Variants in SMAP2 observed in about 807,000 individuals in gnomAD.
SMAP2 encodes small ArfGAP2.
In SMAP2, 25 loss-of-function variants were observed where a neutral mutation model predicts 56.4. That is an observed-to-expected ratio of 0.44 (90% confidence interval 0.32 to 0.62). The LOEUF is 0.62. Ranked by LOEUF, SMAP2 falls within the 20% of genes least tolerant of loss-of-function variation. The pLI is 0.04. For synonymous variants in SMAP2, 157 were observed against 181.7 expected, an observed-to-expected ratio of 0.86 and a Z score of 1.09; for missense variants, 388 against 545.6, an observed-to-expected ratio of 0.71 and a Z score of 2.88.
At chr1:40,388,089 C>T (rs544227983) in intron 1 of SMAP2, among the ~76,000 whole-genome samples, 46 of 152,322 alleles carry the variant, frequency 3.0e-4, no homozygotes, top group African/African-American at 9.1e-4. Flanking sequence ...TGCCTTCCCA[C>T]GGGGCAGGGC....
At chr1:40,356,415 G>A (rs9726165) in intron 1 of SMAP2, among the ~76,000 whole-genome samples, 1 of 134,136 alleles carries the variant, frequency 7.5e-6, no homozygotes, top group African/African-American at 2.7e-5. Context: ...GTTTTTTTTT[G>A]TTTTTTTTTT....
intron 1 of SMAP2, among the ~76,000 whole-genome samples, chr1:40,399,173 C>T (rs1228133350): frequency 1.3e-5 from 2 of 151,838 alleles, no homozygotes; most frequent in African/African-American, 4.8e-5. Flanking sequence ...CAGACAGAGC[C>T]TTGCTCTGTT....
chr1:40,420,385 A>C (rs912287502), intron 9 of SMAP2, among the ~76,000 whole-genome samples: 1 of 152,226 alleles, frequency 6.6e-6, no homozygotes, highest in Admixed American at 6.5e-5. Context: ...AGACAATTTG[A>C]ACATCAAAAA....
chr1:40,401,652 TG>T (rs1159772434), intron 1 of SMAP2, among the ~76,000 whole-genome samples: 1 of 152,128 alleles, frequency 6.6e-6, no homozygotes, highest in Non-Finnish European at 1.5e-5. Context: ...GCTTTGGTGG[TG>T]GGGGAAGTTT....
rs776196037 is a variant in SMAP2 at position 40,374,620 on chromosome 1, T to TGA, written c.103+398_103+399insAG. 0.011 allele frequency: 14,146 copies of TGA among 1,320,480 alleles called. 98 individuals carry two copies. The highest frequency in any genetic ancestry group is 0.014 in the Middle Eastern group (74 of 5,310). 81.8% of individuals were successfully genotyped at this position (1,320,480 alleles called of 1,614,324 possible). On this transcript the variant is annotated intron_variant, in intron 1 of 9. Transcript: ENST00000372718. The surrounding 1 kb of genome is among the most constrained non-coding windows in gnomAD (Gnocchi z 5.9). ...GCGTGTGTGTGTGTGTGTGTGTGTG[T>TGA]GTGTGAGAGAGAGAGAGAGAGAATG...
intron 1 of SMAP2, among the ~76,000 whole-genome samples, chr1:40,355,495 C>T (rs1393411775): frequency 6.6e-6 from 1 of 152,178 alleles, no homozygotes; most frequent in African/African-American, 2.4e-5. Flanking sequence ...ATAATAATCA[C>T]ATCAGGGTAA....
intron 1 of SMAP2, chr1:40,375,769 C>A (rs902466722): frequency 2.0e-6 from 2 of 984,460 alleles, no homozygotes; most frequent in African/African-American, 3.5e-5. Flanking sequence ...AGTGAAGCAA[C>A]CCACTGGAGT....
chr1:40,393,480 C>T (rs886725021), intron 1 of SMAP2: 13 of 1,534,970 alleles, frequency 8.5e-6, no homozygotes, highest in Non-Finnish European at 1.1e-5. Context: ...GGAAATAGGC[C>T]CTGTAAAGCT....
At chr1:40,420,810 C>T (rs1645034633) in intron 9 of SMAP2, among the ~76,000 whole-genome samples, 1 of 152,084 alleles carries the variant, frequency 6.6e-6, no homozygotes, top group Non-Finnish European at 1.5e-5. Flanking sequence ...AATAACTGTC[C>T]TGGGTTCTTA....
At chr1:40,364,269 T>C (rs192056268) in intron 2 of SMAP2, among the ~76,000 whole-genome samples, 99 of 152,108 alleles carry the variant, frequency 6.5e-4, no homozygotes, top group African/African-American at 2.2e-3. Flanking sequence ...TTTATGTGAG[T>C]TGGGGTTTCA....
rs1471260378 is a variant in SMAP2 at position 40,417,115 on chromosome 1, C to T, written c.1164+19C>T. The T allele has an allele frequency of 2.5e-6, 4 of 1,575,876 alleles. No homozygotes were observed. The highest frequency in any genetic ancestry group is 3.5e-6 in the Non-Finnish European group (4 of 1,153,016). ...TACTCAGGTAAGCTACCCCATTTTA[C>T]TTGCAGCAAGAGTTTTGAGCCTTCC... is the stretch of plus-strand genomic sequence containing the variant. On this transcript the variant is annotated intron_variant, in intron 9 of 9. Coordinates refer to ENST00000372718, the MANE Select transcript of SMAP2 (RefSeq NM_022733.3).
At chr1:40,360,477 A>T (rs992829656) in intron 1 of SMAP2, among the ~76,000 whole-genome samples, 5 of 150,890 alleles carry the variant, frequency 3.3e-5, no homozygotes, top group South Asian at 2.1e-4. Flanking sequence ...TAATTTTTGT[A>T]TTTTTAGTAG....
chr1:40,414,266 A>G (rs773566155), intron 6 of SMAP2, 26 bp downstream of exon 6: 18 of 1,605,400 alleles, frequency 1.1e-5, no homozygotes, highest in Non-Finnish European at 1.5e-5. Flanking sequence ...TTCAGCTTCC[A>G]TGTTCTTACA....
At chr1:40,388,093 G>A (rs1228489179) in intron 1 of SMAP2, among the ~76,000 whole-genome samples, 1 of 152,184 alleles carries the variant, frequency 6.6e-6, no homozygotes. Context: ...TTCCCACGGG[G>A]CAGGGCTCGG....
intron 1 of SMAP2, chr1:40,396,810 T>C: frequency 1.0e-6 from 1 of 984,376 alleles, no homozygotes; most frequent in Non-Finnish European, 1.2e-6. Context: ...ACACAATTTT[T>C]CCAAGATCCC....
intron 1 of SMAP2, among the ~76,000 whole-genome samples, chr1:40,405,744 T>TA (rs1247945409): frequency 6.6e-6 from 1 of 152,240 alleles, no homozygotes; most frequent in Non-Finnish European, 1.5e-5. Context: ...GCAGGTTTCA[T>TA]ATAAGTCATT....
chr1:40,387,814 G>A (rs1291751857), intron 1 of SMAP2, among the ~76,000 whole-genome samples: 1 of 152,074 alleles, frequency 6.6e-6, no homozygotes, highest in South Asian at 2.1e-4. Flanking sequence ...GGCTGGCCGA[G>A]GCCGGAGCTG....
chr1:40,391,235 A>G lies in SMAP2; in HGVS notation c.104-15501A>G, dbSNP rs554861885. On this transcript the variant is annotated intron_variant, in intron 1 of 9. Transcript: ENST00000372718. ...ACTATTTGAATATGGGCTGTTTTTA[A>G]TATCAGTTTTCATGTTATTCCACTA... Among the ~76,000 whole-genome samples the G allele has an allele frequency of 3.9e-5, 6 of 152,346 alleles. No individual in the cohort carries two copies. In the East Asian group the frequency reaches 1.2e-3, roughly 29 times the overall value.
chr1:40,394,198 C>T (rs1304891527), intron 1 of SMAP2, among the ~76,000 whole-genome samples: 7 of 152,132 alleles, frequency 4.6e-5, no homozygotes, highest in African/African-American at 1.7e-4. Flanking sequence ...ACACCATCTA[C>T]CATTTCCCTC....
Sources: allele counts gnomAD v4.1 joint callset (sites outside exome capture counted in the v4.1 genomes callset), GRCh38; gene constraint gnomAD v4.1.1; non-coding constraint Gnocchi (gnomAD v3.1); transcripts MANE v1.5; gene names NCBI Gene and HGNC (gene_info 2026-07-23, HGNC 2026-07-21).